Variants in GRK6 observed in about 807,000 individuals in gnomAD.
GRK6 encodes G protein-coupled receptor kinase 6.
GRK6 carries 37 observed loss-of-function variants against 80.8 expected under a neutral mutation model. The observed-to-expected ratio is 0.46, with a 90% CI of 0.35 to 0.60. GRK6 has a LOEUF of 0.60. Ranked by LOEUF, GRK6 falls within the 20% of genes least tolerant of loss-of-function variation. The pLI, the probability that GRK6 is intolerant of heterozygous loss-of-function variation, is 0.00. For synonymous variants in GRK6, 295 were observed against 320.9 expected (o/e 0.92, Z 0.86); for missense variants, 560 against 784.6 (o/e 0.71, Z 3.42).
intron 6 of GRK6, 27 bp from the exon 7 acceptor site, chr5:177,433,320 C>T (rs535889658): frequency 2.4e-5 from 38 of 1,613,860 alleles, no homozygotes; most frequent in South Asian, 1.5e-4. Flanking sequence ...GCTCAGCCAG[C>T]GTTTGCTTCC....
rs572964632 is a variant in GRK6, at chr5:177,432,289, G to A, written c.318G>A (p.Thr106=). ...DKRKACGRQL[T]QNFLSHTGPD... ...GGAAGGCATGTGGGCGGCAGCTAAC[G>A]CAGAATTTTCTGAGCCACACGGTGA... The change falls in exon 4 of 16, where the codon ACG becomes ACA. Residue 106 remains threonine (T), a synonymous_variant. Coordinates refer to ENST00000355472, the MANE Select transcript of GRK6 (RefSeq NM_001004106.3). 2.0e-5 allele frequency: 33 copies of A among 1,612,902 alleles called. No homozygotes were observed. The highest frequency in any genetic ancestry group is 3.3e-5 in the Admixed American group (2 of 60,032).
chr5:177,437,475 CA>C lies in GRK6; in HGVS notation c.1404+946del, dbSNP rs554366089. The stretch of plus-strand genomic sequence containing the variant: ...GGCTGGCCATCCTTCTGTGGGTGGT[CA>C]CTTTTCCTTATGGAGTCTCACCTGT... On this transcript the variant is annotated intron_variant, in intron 13 of 15. Transcript: ENST00000355472. Among the ~76,000 whole-genome samples, 450 of 152,248 alleles carry C rather than the reference CA, an allele frequency of 3.0e-3. 3 individuals carry two copies. Among genetic ancestry groups the C allele is most frequent in the African/African-American group, 1.0e-2 (414 of 41,532 alleles).
chr5:177,436,889 TTCTCC>T (rs1189543973), intron 13 of GRK6, among the ~76,000 whole-genome samples: 5 of 151,928 alleles, frequency 3.3e-5, no homozygotes, highest in South Asian at 2.1e-4. Context: ...CTCTTTTCTC[TTCTCC>T]TCTCCTCTCC....
At position 177,434,041 on chromosome 5, in the gene GRK6, T is replaced by C; in HGVS notation, c.866T>C (p.Val289Ala). Residue 289 changes from valine to alanine, a missense_variant, in exon 9 of 16, where the codon GTC becomes GCC. This residue lies in a region of GRK6 where 294 missense variants were observed against 397.4 expected (regional missense o/e 0.74). Coordinates refer to ENST00000355472, the MANE Select transcript of GRK6 (RefSeq NM_001004106.3). ...GQAGFPEARA[V>A]FYAAEICCGL... is the part of the protein sequence containing the mutation. ...GCTGGCTTCCCCGAAGCGCGGGCCGTCTTCTACGCCGCCGAGATCTGCTGT... is the reference window on the plus strand; with the variant it reads ...GCTGGCTTCCCCGAAGCGCGGGCCGCCTTCTACGCCGCCGAGATCTGCTGT... The C allele has an allele frequency of 6.2e-7, 1 of 1,611,182 alleles. No individual in the cohort carries two copies. Among genetic ancestry groups the C allele is most frequent in the Non-Finnish European group, 8.5e-7 (1 of 1,179,246 alleles).
At chr5:177,441,519 T>C (rs1291331719) in intron 15 of GRK6, among the ~76,000 whole-genome samples, 2 of 152,110 alleles carry the variant, frequency 1.3e-5, no homozygotes, top group Non-Finnish European at 2.9e-5. Flanking sequence ...CCAGCCCCCT[T>C]ACTTCAGTCT....
At position 177,432,707 on chromosome 5, in the gene GRK6, G is replaced by A. The variant is rs759181391; in HGVS notation, c.341G>A (p.Gly114Asp). The A allele has an allele frequency of 1.9e-6, 3 of 1,598,406 alleles. No individual in the cohort carries two copies. The highest frequency in any genetic ancestry group is 2.3e-5 in the East Asian group (1 of 44,198). Reference sequence around the variant, plus strand: ...GACCTGTCTGGGGCTTGTTCCCAGGGTCCTGACCTCATCCCTGAGGTCCCC... The same window carrying A: ...GACCTGTCTGGGGCTTGTTCCCAGGATCCTGACCTCATCCCTGAGGTCCCC... ...QLTQNFLSHTGPDLIPEVPRQ... is the reference protein window; with the variant it reads ...QLTQNFLSHTDPDLIPEVPRQ... The change falls in exon 5 of 16, where the codon GGT becomes GAT. Residue 114 changes from glycine (G) to aspartate (D), a missense_variant and splice_region_variant. Gly to Asp is a moderately conservative substitution (Grantham distance 94). Around this residue, in one of 3 missense-constraint regions of GRK6, gnomAD observed 189 missense variants for 230.2 expected, o/e 0.82. Coordinates refer to ENST00000355472, the MANE Select transcript of GRK6 (RefSeq NM_001004106.3).
intron 2 of GRK6, chr5:177,431,698 A>G (rs1239384520): frequency 2.2e-5 from 10 of 447,552 alleles, no homozygotes; most frequent in African/African-American, 4.1e-5. Flanking sequence ...CAGTACCGTG[A>G]CATACGCAAG....
chr5:177,441,082 C>A, intron 15 of GRK6, 29 bp downstream of exon 15: 1 of 1,610,378 alleles, frequency 6.2e-7, no homozygotes, highest in Non-Finnish European at 8.5e-7. Flanking sequence ...CTACCTGGGC[C>A]CCTAACCTGG....
intron 1 of GRK6, chr5:177,430,657 C>T (rs1039054484): frequency 6.8e-6 from 4 of 586,526 alleles, no homozygotes; most frequent in East Asian, 2.9e-5. Flanking sequence ...CACTGCCTCT[C>T]TTGGCTCTCC....
rs968637852 is a variant in GRK6, at chr5:177,429,738, C to A, written c.53-1134C>A. ...TAGAAAGCCAGAGGGGAAACTGAGGCCCAGCATGAGAAAGTGGTTGTCTAA... is the reference window on the plus strand; with the variant it reads ...TAGAAAGCCAGAGGGGAAACTGAGGACCAGCATGAGAAAGTGGTTGTCTAA... On this transcript the variant is annotated intron_variant, in intron 1 of 15. Transcript: ENST00000355472. This position sits in a 1 kb window ranked among gnomAD's most constrained non-coding sequence, Gnocchi z 4.3. Among the ~76,000 whole-genome samples, 2 of 152,214 alleles carry A rather than the reference C, an allele frequency of 1.3e-5. No individual in the cohort carries two copies. Among genetic ancestry groups the A allele is most frequent in the African/African-American group, 4.8e-5 (2 of 41,446 alleles).
chr5:177,441,820 G>C lies in GRK6; in HGVS notation c.*30G>C, dbSNP rs769776569. On this transcript the variant is annotated 3_prime_UTR_variant, in exon 16 of 16. Coordinates refer to ENST00000355472, the MANE Select transcript of GRK6 (RefSeq NM_001004106.3). ...CAGCCCGAGGCCCCCACCAGCAGTT[G>C]GCGGTAGCAGCTACTCCGAGCGCCG... is the stretch of plus-strand genomic sequence containing the variant. 1.2e-6 allele frequency: 2 copies of C among 1,600,378 alleles called. No individual in the cohort carries two copies. The highest frequency in any genetic ancestry group is 2.2e-5 in the South Asian group (2 of 90,752).
chr5:177,436,406 A>T lies in GRK6; in HGVS notation c.1280A>T (p.Asp427Val), dbSNP rs1322322899. The T allele has an allele frequency of 4.5e-6, 7 of 1,541,006 alleles. No homozygotes were observed. Among genetic ancestry groups the T allele is most frequent in the Middle Eastern group, 1.8e-4 (1 of 5,558 alleles). The change falls in exon 13 of 16, where the codon GAC becomes GTC. Residue 427 changes from aspartate (D) to valine (V), a missense_variant. Physicochemically the swap from Asp to Val is radical, Grantham distance 152. Transcript: ENST00000355472. ...CCCCTGCCACAGCTCCTCTGCAAGG[A>T]CCCTGCCGAACGCCTGGGGTGTCGT... Reference protein sequence around the residue: ...RSLCSQLLCKDPAERLGCRGG... With the variant: ...RSLCSQLLCKVPAERLGCRGG...
chr5:177,433,332 C>T lies in GRK6; in HGVS notation c.534-15C>T. The T allele has an allele frequency of 6.2e-7, 1 of 1,613,996 alleles. No individual in the cohort carries two copies. Among genetic ancestry groups the T allele is most frequent in the Non-Finnish European group, 8.5e-7 (1 of 1,179,908 alleles). On this transcript the variant is annotated splice_polypyrimidine_tract_variant and intron_variant, in intron 6 of 15. Transcript: ENST00000355472. ...CCTGCTCAGCCAGCGTTTGCTTCCC[C>T]ACCCCTTGCCACAGGCAGCCAGTGA...
rs760627267 is a variant in GRK6, at chr5:177,435,003, G to T, written c.968-29G>T. ...GATGCAGAGGCCTGGCCTGTTAACGGGTCCACCTGTTTCTCCACCCACACT... is the reference window on the plus strand; with the variant it reads ...GATGCAGAGGCCTGGCCTGTTAACGTGTCCACCTGTTTCTCCACCCACACT... On this transcript the variant is annotated intron_variant, in intron 10 of 15. Coordinates refer to ENST00000355472, the MANE Select transcript of GRK6 (RefSeq NM_001004106.3). 3 of 1,603,912 alleles carry T rather than the reference G, an allele frequency of 1.9e-6. No homozygotes were observed. In the South Asian group the frequency reaches 3.3e-5, roughly 18 times the overall value.
chr5:177,431,581 G>C, intron 2 of GRK6: 1 of 253,768 alleles, frequency 3.9e-6, no homozygotes, highest in South Asian at 3.8e-5. Flanking sequence ...CCAGCTGAGA[G>C]CCTGCCGGAA....
intron 13 of GRK6, among the ~76,000 whole-genome samples, chr5:177,440,207 G>A (rs544328577): frequency 1.8e-4 from 28 of 152,370 alleles, no homozygotes; most frequent in Non-Finnish European, 3.2e-4. Flanking sequence ...GCCTGGAGCT[G>A]AGGTGGGCTC....
intron 14 of GRK6, 40 bp from the exon 15 acceptor site, chr5:177,440,879 G>GCC (rs774431816): frequency 1.9e-6 from 3 of 1,613,696 alleles, no homozygotes; most frequent in Non-Finnish European, 2.5e-6. Flanking sequence ...CCAGGAGGCT[G>GCC]CCCTGGGGAC....
At chr5:177,431,426 G>A (rs1279943840) in intron 2 of GRK6, among the ~76,000 whole-genome samples, 1 of 152,224 alleles carries the variant, frequency 6.6e-6, no homozygotes, top group Non-Finnish European at 1.5e-5. Flanking sequence ...ACTCCTGGGA[G>A]GGGACAGAAG....
intron 13 of GRK6, among the ~76,000 whole-genome samples, chr5:177,437,588 A>G (rs1416988890): frequency 6.6e-6 from 1 of 151,902 alleles, no homozygotes; most frequent in Non-Finnish European, 1.5e-5. Flanking sequence ...ACCAACCTAA[A>G]CTCACTTAAG....
Sources: gnomAD v4.1 joint callset for allele counts (sites outside exome capture counted in the v4.1 genomes callset) on GRCh38, gnomAD v4.1.1 for gene constraint, gnomAD v4.1.1 regional missense constraint, Gnocchi (gnomAD v3.1) non-coding constraint, MANE v1.5 for transcripts, NCBI Gene and HGNC (gene_info 2026-07-23, HGNC 2026-07-21) for gene names.